Variants in PPAT observed in about 807,000 individuals in gnomAD.
PPAT encodes the protein amidophosphoribosyltransferase.
A neutral mutation model predicts 60.2 loss-of-function variants in PPAT; 20 were observed. That is an observed-to-expected ratio of 0.33 (90% confidence interval 0.23 to 0.48). The LOEUF (loss-of-function observed/expected upper bound fraction) is 0.48. Ranked by LOEUF, PPAT falls within the 20% of genes least tolerant of loss-of-function variation. The pLI is 0.99. For missense variants in PPAT, 349 were observed against 629.6 expected, an observed-to-expected ratio of 0.55 and a Z score of 4.77; for synonymous variants, 194 against 215.1, an observed-to-expected ratio of 0.90 and a Z score of 0.86.
intron 1 of PPAT, chr4:56,421,822 A>T (rs1717052834): frequency 6.9e-6 from 1 of 145,322 alleles, no homozygotes; most frequent in African/African-American, 2.6e-5. Context: ...GCAGCTAAAG[A>T]TGATTCCATT....
At chr4:56,404,061 G>A (rs1399623956) in intron 3 of PPAT, 2 of 450,002 alleles carry the variant, frequency 4.4e-6, no homozygotes, top group Non-Finnish European at 9.0e-6. Context: ...GGGGACTCCT[G>A]CGCTAATAGT....
chr4:56,429,213 AAAG>A (rs1382956512), intron 1 of PPAT, among the ~76,000 whole-genome samples: 2 of 152,198 alleles, frequency 1.3e-5, no homozygotes, highest in African/African-American at 4.8e-5. Flanking sequence ...TTATATTTTA[AAAG>A]AAGAAGAAAG....
At chr4:56,416,033 GC>G (rs1212297429) in intron 1 of PPAT, among the ~76,000 whole-genome samples, 1 of 150,034 alleles carries the variant, frequency 6.7e-6, no homozygotes, top group Admixed American at 6.7e-5. Context: ...TCACACCACT[GC>G]ACTCCAGCCT....
At position 56,401,259 on chromosome 4, in the gene PPAT, A is replaced by G; in HGVS notation, c.886+71T>C. On this transcript the variant is annotated intron_variant, in intron 7 of 10. Coordinates refer to ENST00000264220, the MANE Select transcript of PPAT (RefSeq NM_002703.5). ...AAAGAGCCAGGTAAGCCTTTGAGGC[A>G]AGAATTGCCATGTTTCAAGGAGATA... The G allele has an allele frequency of 2.1e-6, 3 of 1,402,542 alleles. No individual in the cohort carries two copies. The South Asian group carries it at 4.3e-5, about 20-fold the overall frequency. The allele number at this position is 1,402,542 out of a possible 1,614,324, so 86.9% of individuals were successfully genotyped here.
chr4:56,406,464 A>G, intron 3 of PPAT, 31 bp downstream of exon 3: 1 of 1,583,108 alleles, frequency 6.3e-7, no homozygotes, highest in Non-Finnish European at 8.7e-7. Flanking sequence ...TCATTTAAAA[A>G]GGCCTAGGGA....
intron 6 of PPAT, among the ~76,000 whole-genome samples, chr4:56,401,706 G>A (rs1032814164): frequency 6.6e-6 from 1 of 151,872 alleles, no homozygotes; most frequent in South Asian, 2.1e-4. Flanking sequence ...AAAATTAAGG[G>A]CCCTAAGTTG....
chr4:56,419,649 AC>A, intron 1 of PPAT: 1 of 983,638 alleles, frequency 1.0e-6, no homozygotes, highest in Non-Finnish European at 1.2e-6. Context: ...CTCTAATAAT[AC>A]AACTTTTATC....
chr4:56,401,234 A>G, intron 7 of PPAT, 96 bp downstream of exon 7: 2 of 1,193,150 alleles, frequency 1.7e-6, no homozygotes, highest in Non-Finnish European at 2.3e-6. Flanking sequence ...ATATGCCTTC[A>G]AAGAGCCAGG....
At chr4:56,420,351 G>A (rs1176640286) in intron 1 of PPAT, 2 of 151,958 alleles carry the variant, frequency 1.3e-5, no homozygotes, top group African/African-American at 4.8e-5. Context: ...TTTTCCACAT[G>A]TAGCATCATG....
At chr4:56,418,413 C>T (rs543044920) in intron 1 of PPAT, among the ~76,000 whole-genome samples, 34 of 152,186 alleles carry the variant, frequency 2.2e-4, no homozygotes, top group Admixed American at 6.5e-4. Flanking sequence ...TCCACCTCCC[C>T]GACTCAAGCA....
intron 1 of PPAT, among the ~76,000 whole-genome samples, chr4:56,418,993 A>G (rs1367640233): frequency 2.0e-5 from 3 of 152,220 alleles, no homozygotes; most frequent in Non-Finnish European, 2.9e-5. Flanking sequence ...TAATTTTCGC[A>G]AGGCGTAAGC....
At chr4:56,410,905 A>T (rs1716426012) in intron 1 of PPAT, 13 of 253,200 alleles carry the variant, frequency 5.1e-5, no homozygotes, top group Non-Finnish European at 6.9e-5. Flanking sequence ...AAGGTAAAAA[A>T]AAAAAAAAAA....
Position 56,417,554 on chromosome 4 carries a change from C to T in PPAT, c.129-9838G>A, listed in dbSNP as rs558867599. 2.0e-4 allele frequency among the ~76,000 whole-genome samples: 30 copies of T among 152,172 alleles called. No individual in the cohort carries two copies. The South Asian group carries it at 2.3e-3, about 12-fold the overall frequency. On this transcript the variant is annotated intron_variant, in intron 1 of 10. Coordinates refer to ENST00000264220, the MANE Select transcript of PPAT (RefSeq NM_002703.5). ...CCCAGTATTTTGGGAGGCCAAGGTG[C>T]GGGATCACTTGAGACCAGGAGTTCG...
In PPAT at chr4:56,403,072, C is replaced by G. The variant is rs374359651; in HGVS notation, c.629G>C (p.Arg210Pro). Residue 210 changes from arginine to proline, a missense_variant, in exon 5 of 11, where the codon CGT (arginine) becomes CCT (proline). Transcript: ENST00000264220. ...ATTTATATCAGACACTGGAATAAGA[C>G]GACCAATGCATAAGGGACGATTTCC... Reference protein sequence around the residue: ...PYGNRPLCIGRLIPVSDINDK... With the variant: ...PYGNRPLCIGPLIPVSDINDK... The G allele has an allele frequency of 1.9e-6, 3 of 1,610,528 alleles. No homozygotes were observed.
At chr4:56,431,184 C>T (rs1018515508) in intron 1 of PPAT, among the ~76,000 whole-genome samples, 3 of 152,118 alleles carry the variant, frequency 2.0e-5, no homozygotes, top group African/African-American at 4.8e-5. Flanking sequence ...AAGTTAAACA[C>T]TATAGGAATG....
intron 1 of PPAT, among the ~76,000 whole-genome samples, chr4:56,412,452 G>C (rs1245442116): frequency 1.3e-5 from 2 of 151,924 alleles, no homozygotes; most frequent in African/African-American, 4.8e-5. Flanking sequence ...GGGACTATGG[G>C]GTGTGAGCCA....
In PPAT at chr4:56,396,253, A is replaced by G. The variant is rs1715965503; in HGVS notation, c.1357+366T>C. 6.3e-6 allele frequency: 1 copy of G among 158,334 alleles called. No homozygotes were observed. The highest frequency in any genetic ancestry group is 1.4e-5 in the Non-Finnish European group (1 of 72,440). 9.8% of individuals were successfully genotyped at this position (158,334 alleles called of 1,614,324 possible). ...TCATTATTGAATATGAACCTACACA[A>G]ACTTTTTACCTTGTGATTTGTATCC... On this transcript the variant is annotated intron_variant, in intron 10 of 10. Transcript: ENST00000264220. The surrounding 1 kb of genome is among the most constrained non-coding windows in gnomAD (Gnocchi z 4.6).
chr4:56,425,170 TTA>T (rs1417626773), intron 1 of PPAT, among the ~76,000 whole-genome samples: 1 of 152,204 alleles, frequency 6.6e-6, no homozygotes, highest in Non-Finnish European at 1.5e-5. Context: ...ACGCTAAGAA[TTA>T]TGTTTTCTTC....
chr4:56,419,569 TG>T, intron 1 of PPAT: 1 of 561,186 alleles, frequency 1.8e-6, no homozygotes. Flanking sequence ...TTACCTTGTC[TG>T]ATGTATATAA....
Sources: gnomAD v4.1 joint callset for allele counts (sites outside exome capture counted in the v4.1 genomes callset) on GRCh38, gnomAD v4.1.1 for gene constraint, Gnocchi (gnomAD v3.1) non-coding constraint, MANE v1.5 for transcripts, NCBI Gene and HGNC (gene_info 2026-07-23, HGNC 2026-07-21) for gene names.